Variants in SPOCK3 observed in about 807,000 individuals in gnomAD.
The protein encoded by SPOCK3 is SPARC (osteonectin), cwcv and kazal like domains proteoglycan 3.
A neutral mutation model predicts 56.6 loss-of-function variants in SPOCK3; 30 were observed. The ratio of observed to expected loss-of-function variants is 0.53; its 90% CI spans 0.40 to 0.72. The LOEUF (loss-of-function observed/expected upper bound fraction) is 0.72, where lower values mean the gene tolerates loss of function less well. Among genes scored for constraint, SPOCK3 ranks in the 30% least tolerant of loss-of-function variants. The pLI is 0.00. For missense variants in SPOCK3, 527 were observed against 530.0 expected, an observed-to-expected ratio of 0.99 and a Z score of 0.06; for synonymous variants, 196 against 183.3, an observed-to-expected ratio of 1.07 and a Z score of -0.56.
intron 2 of SPOCK3, among the ~76,000 whole-genome samples, chr4:167,136,588 G>T (rs1461524908): frequency 6.6e-6 from 1 of 152,092 alleles, no homozygotes; most frequent in Admixed American, 6.6e-5. Context: ...ATTGTCAAAT[G>T]ATTTTGCTGA....
chr4:166,923,859 A>C (rs2149982094), intron 4 of SPOCK3, among the ~76,000 whole-genome samples: 1 of 152,358 alleles, frequency 6.6e-6, no homozygotes, highest in Non-Finnish European at 1.5e-5. Context: ...GAGTAGAAAA[A>C]AATAGACCCC....
chr4:166,885,544 C>A (rs1158441335), intron 6 of SPOCK3, among the ~76,000 whole-genome samples: 3 of 152,064 alleles, frequency 2.0e-5, no homozygotes, highest in African/African-American at 7.2e-5. Context: ...GGATGGCTTT[C>A]TTGAAGGTGC....
intron 3 of SPOCK3, among the ~76,000 whole-genome samples, chr4:167,049,517 T>C (rs2150217141): frequency 6.6e-6 from 1 of 152,242 alleles, no homozygotes; most frequent in South Asian, 2.1e-4. Flanking sequence ...ATATAGACCA[T>C]GAGTCAGTTT....
intron 8 of SPOCK3, among the ~76,000 whole-genome samples, chr4:166,745,931 A>G (rs1348193285): frequency 6.6e-6 from 1 of 152,226 alleles, no homozygotes; most frequent in Admixed American, 6.5e-5. Flanking sequence ...CAACAAGAAG[A>G]GCTAACTATC....
Position 166,734,824 on chromosome 4 carries a change from G to A in SPOCK3, c.*97C>T. ...TTATACAAAATATATGTGAGGTTTA[G>A]AATCATTTTGTTATTGGGGAAGAAG... On this transcript the variant is annotated 3_prime_UTR_variant, in exon 11 of 11. Coordinates refer to ENST00000357545, the MANE Select transcript of SPOCK3 (RefSeq NM_001040159.2). The A allele has an allele frequency of 9.7e-7, 1 of 1,035,504 alleles. No homozygotes were observed. Among genetic ancestry groups the A allele is most frequent in the Non-Finnish European group, 1.4e-6 (1 of 725,940 alleles). The allele number at this position is 1,035,504 out of a possible 1,614,324, so 64.1% of individuals were successfully genotyped here.
chr4:167,234,333 C>T, intron 1 of SPOCK3, 117 bp downstream of exon 1: 1 of 699,606 alleles, frequency 1.4e-6, no homozygotes. Flanking sequence ...CAGGCTTTAC[C>T]CCCAAAAGCC....
At chr4:166,810,518 C>A (rs1231897888) in intron 6 of SPOCK3, among the ~76,000 whole-genome samples, 2 of 151,814 alleles carry the variant, frequency 1.3e-5, no homozygotes, top group Non-Finnish European at 2.9e-5. Context: ...ATTCCTTGAG[C>A]TTTTCATCAT....
intron 6 of SPOCK3, among the ~76,000 whole-genome samples, chr4:166,863,011 GA>G (rs1180210761): frequency 6.6e-6 from 1 of 152,068 alleles, no homozygotes; most frequent in Non-Finnish European, 1.5e-5. Context: ...CAGCCAGAGA[GA>G]AAGGTCAGAT....
At chr4:166,754,387 T>C in intron 8 of SPOCK3, 121 bp downstream of exon 8, 3 of 1,407,896 alleles carry the variant, frequency 2.1e-6, no homozygotes, top group Non-Finnish European at 2.8e-6. Flanking sequence ...TATTCAACAC[T>C]TGAATTACAA....
At chr4:166,931,885 A>G (rs1156736193) in intron 4 of SPOCK3, among the ~76,000 whole-genome samples, 1 of 152,132 alleles carries the variant, frequency 6.6e-6, no homozygotes, top group Non-Finnish European at 1.5e-5. Flanking sequence ...CTCCATTACT[A>G]TTGGACCTTC....
At chr4:167,207,768 C>G (rs1734492517) in intron 2 of SPOCK3, among the ~76,000 whole-genome samples, 1 of 151,962 alleles carries the variant, frequency 6.6e-6, no homozygotes, top group East Asian at 1.9e-4. Context: ...ATACCTAATG[C>G]TAAATGACGA....
At chr4:166,802,546 T>C (rs1008898699) in intron 6 of SPOCK3, among the ~76,000 whole-genome samples, 2 of 152,110 alleles carry the variant, frequency 1.3e-5, no homozygotes, top group African/African-American at 4.8e-5. Context: ...GCTAACAAGC[T>C]CCCTTGGGCC....
At chr4:166,985,064 A>G (rs1334794436) in intron 4 of SPOCK3, among the ~76,000 whole-genome samples, 1 of 152,088 alleles carries the variant, frequency 6.6e-6, no homozygotes, top group African/African-American at 2.4e-5. Context: ...GAGAAGCCCA[A>G]GGTGTAATAT....
intron 3 of SPOCK3, among the ~76,000 whole-genome samples, chr4:167,003,173 A>G (rs1749122557): frequency 6.6e-6 from 1 of 152,198 alleles, no homozygotes; most frequent in Middle Eastern, 3.2e-3. Context: ...AATGGAACTC[A>G]AAAATTGATA....
chr4:167,193,617 T>C (rs1304987143), intron 2 of SPOCK3, among the ~76,000 whole-genome samples: 1 of 145,980 alleles, frequency 6.9e-6, no homozygotes, highest in Non-Finnish European at 1.5e-5. Context: ...TTTGTCTTTA[T>C]CAGTGAGCTC....
rs184556091 is a variant in SPOCK3, at chr4:166,967,810, G to T, written c.350+32539C>A. On this transcript the variant is annotated intron_variant, in intron 4 of 10. Transcript: ENST00000357545. The stretch of plus-strand genomic sequence containing the variant: ...GGAACTGGGTAACAGGCAAAGGTTG[G>T]CACAATCTGAGGGGCTCAAAAAAAG... Among the ~76,000 whole-genome samples the T allele has an allele frequency of 1.9e-3, 286 of 152,274 alleles. 1 individual carries two copies. The highest frequency in any genetic ancestry group is 6.4e-3 in the African/African-American group (266 of 41,534).
chr4:167,008,944 A>G (rs1749736731), intron 3 of SPOCK3, among the ~76,000 whole-genome samples: 1 of 152,146 alleles, frequency 6.6e-6, no homozygotes, highest in African/African-American at 2.4e-5. Context: ...CCAGCATTAC[A>G]CAGTACATCC....
At position 166,994,999 on chromosome 4, in the gene SPOCK3, T is replaced by C. The variant is rs190549255; in HGVS notation, c.350+5350A>G. 2.3e-4 allele frequency among the ~76,000 whole-genome samples: 35 copies of C among 152,244 alleles called. No homozygotes were observed. In the East Asian group the frequency reaches 5.2e-3, roughly 23 times the overall value. ...GGTAAGATAAGTAACAATTCTACAA[T>C]GCTTAGAAGAATGTCTCATTTATAT... On this transcript the variant is annotated intron_variant, in intron 4 of 10. Coordinates refer to ENST00000357545, the MANE Select transcript of SPOCK3 (RefSeq NM_001040159.2).
intron 2 of SPOCK3, among the ~76,000 whole-genome samples, chr4:167,180,375 G>A (rs558804735): frequency 1.3e-5 from 2 of 152,236 alleles, no homozygotes; most frequent in South Asian, 2.1e-4. Context: ...CAAAAGCAGC[G>A]GCTGTCATGG....
Sources: gnomAD v4.1 joint callset for allele counts (sites outside exome capture counted in the v4.1 genomes callset) on GRCh38, gnomAD v4.1.1 for gene constraint, MANE v1.5 for transcripts, NCBI Gene and HGNC (gene_info 2026-07-23, HGNC 2026-07-21) for gene names.